The following SLC5A11 variants were observed in gnomAD, a reference collection of about 807,000 sequenced individuals.
SLC5A11 encodes the protein sodium/myo-inositol cotransporter 2.
SLC5A11 carries 48 observed loss-of-function variants against 69.8 expected under a neutral mutation model. That is an observed-to-expected ratio of 0.69 (90% confidence interval 0.55 to 0.87). The LOEUF (loss-of-function observed/expected upper bound fraction) is 0.87. Among genes scored for constraint, SLC5A11 ranks in the 40% least tolerant of loss-of-function variants. The pLI is 0.00. For missense variants in SLC5A11, 784 were observed against 866.1 expected, an observed-to-expected ratio of 0.91 and a Z score of 1.19; for synonymous variants, 319 against 342.4, an observed-to-expected ratio of 0.93 and a Z score of 0.75.
chr16:24,865,608 C>A (rs1026363766), intron 3 of SLC5A11, among the ~76,000 whole-genome samples: 1 of 151,936 alleles, frequency 6.6e-6, no homozygotes, highest in African/African-American at 2.4e-5. Context: ...TCATCAGAAA[C>A]CATGGAAGCT....
chr16:24,870,758 C>T (rs1381714238), intron 4 of SLC5A11, among the ~76,000 whole-genome samples: 41 of 115,568 alleles, frequency 3.5e-4, no homozygotes, highest in African/African-American at 1.2e-3. Flanking sequence ...TCAGCCTGGG[C>T]GACAGAGTGA....
chr16:24,894,531 G>A (rs1408693803), intron 9 of SLC5A11, among the ~76,000 whole-genome samples: 1 of 152,212 alleles, frequency 6.6e-6, no homozygotes. Flanking sequence ...GCTGGGCACA[G>A]TGGTTCACGC....
intron 7 of SLC5A11, among the ~76,000 whole-genome samples, chr16:24,877,628 T>G (rs886880597): frequency 3.3e-5 from 5 of 152,180 alleles, no homozygotes; most frequent in African/African-American, 7.2e-5. Flanking sequence ...GGCAGGTGGA[T>G]CACTTGAGGC....
At chr16:24,858,842 A>C in intron 2 of SLC5A11, 64 bp downstream of exon 3, 2 of 1,535,562 alleles carry the variant, frequency 1.3e-6, no homozygotes, top group Non-Finnish European at 1.8e-6. Context: ...AGAGGTCCGG[A>C]GTTAACCTCA....
In SLC5A11 at chr16:24,858,818, G is replaced by A. The variant is rs1372038714; in HGVS notation, c.135+40G>A. On this transcript the variant is annotated intron_variant, in intron 2 of 15. Coordinates refer to ENST00000347898, the Ensembl canonical transcript of SLC5A11. Reference sequence around the variant, plus strand: ...TGGGGGATGGGGGATGAAGAGAGAAGGAAATGTCTGTTTAGAGGTCCGGAG... The same window carrying A: ...TGGGGGATGGGGGATGAAGAGAGAAAGAAATGTCTGTTTAGAGGTCCGGAG... 3.1e-6 allele frequency: 5 copies of A among 1,593,046 alleles called. No individual in the cohort carries two copies. In the East Asian group the frequency reaches 9.0e-5, roughly 29 times the overall value.
intron 4 of SLC5A11, 60 bp from the exon 6 acceptor site, chr16:24,872,100 T>C (rs373694261): frequency 1.2e-6 from 2 of 1,609,074 alleles, no homozygotes; most frequent in African/African-American, 2.7e-5. Flanking sequence ...CAGAGGGAAA[T>C]CCAAATGGGT....
At chr16:24,907,058 C>A in exon 12 of SLC5A11, 3 of 1,614,058 alleles carry the variant, frequency 1.9e-6, no homozygotes, top group Non-Finnish European at 2.5e-6. Context: ...GTGATGGTGG[C>A]GGCTCTCATG....
chr16:24,879,175 G>T (rs1036475485), intron 7 of SLC5A11, among the ~76,000 whole-genome samples: 1 of 151,792 alleles, frequency 6.6e-6, no homozygotes. Context: ...TTCAGCTAAG[G>T]CCTCTCTAAG....
At chr16:24,847,703 GT>G (rs1434207404) in intron 1 of SLC5A11, among the ~76,000 whole-genome samples, 2 of 152,218 alleles carry the variant, frequency 1.3e-5, no homozygotes. Context: ...CTGGGCAATA[GT>G]TGACAGAAGT....
Position 24,909,035 on chromosome 16 carries a change from C to CG in SLC5A11, c.1591dup (p.Val531GlyfsTer74), listed in dbSNP as rs1055779066. 1 of 1,614,162 alleles carries CG rather than the reference C, an allele frequency of 6.2e-7. No homozygotes were observed. The highest frequency in any genetic ancestry group is 1.3e-5 in the African/African-American group (1 of 75,040). ...CTCTACTTCTCCATGATCCTGTCCA[C>CG]GGTCACCCTCATCACTGTCTCCACC... On this transcript the variant is annotated frameshift_variant, in exon 14 of 16. Coordinates refer to ENST00000347898, the Ensembl canonical transcript of SLC5A11. LOFTEE classifies it high-confidence loss of function.
At chr16:24,856,691 A>G (rs1307290042) in intron 1 of SLC5A11, among the ~76,000 whole-genome samples, 2 of 150,098 alleles carry the variant, frequency 1.3e-5, no homozygotes, top group Non-Finnish European at 3.0e-5. Flanking sequence ...GAATGGTGTG[A>G]ACCGGGGAGG....
At chr16:24,862,579 A>T (rs1168992463) in intron 2 of SLC5A11, 22 bp from the exon 4 acceptor site, 3 of 1,589,448 alleles carry the variant, frequency 1.9e-6, no homozygotes, top group Non-Finnish European at 8.6e-7. Context: ...TCCCTCACCC[A>T]CCTCTCTTCT....
chr16:24,857,901 C>T (rs2059603303), intron 1 of SLC5A11, among the ~76,000 whole-genome samples: 1 of 152,168 alleles, frequency 6.6e-6, no homozygotes, highest in South Asian at 2.1e-4. Context: ...CACAAGATTT[C>T]CTTAAATTGC....
intron 6 of SLC5A11, among the ~76,000 whole-genome samples, chr16:24,876,335 A>G (rs907300479): frequency 1.3e-5 from 2 of 152,142 alleles, no homozygotes; most frequent in African/African-American, 4.8e-5. Context: ...GACTCCAAGA[A>G]CCCTGCCAAC....
At chr16:24,896,979 G>T (rs1222459328) in intron 9 of SLC5A11, among the ~76,000 whole-genome samples, 2 of 116,784 alleles carry the variant, frequency 1.7e-5, no homozygotes, top group African/African-American at 3.4e-5. Flanking sequence ...TTGAGACAGA[G>T]TCTCACTCTA....
At chr16:24,899,797 A>G (rs533769861) in intron 10 of SLC5A11, among the ~76,000 whole-genome samples, 47 of 152,008 alleles carry the variant, frequency 3.1e-4, no homozygotes, top group South Asian at 6.3e-4. Context: ...TGGAGCTCTC[A>G]GGCTCAAGCA....
rs201711094 is a variant in SLC5A11, at chr16:24,890,996, G to A, written c.792G>A (p.Pro264=). ...ATGCCTTCCATATTTTCCGAGATCC[G>A]CTGACATCTGATCTCCCGTGGCCGG... Residue 264 remains proline (P), a synonymous_variant, in exon 9 of 16, where the codon CCG becomes CCA. Coordinates refer to ENST00000347898, the Ensembl canonical transcript of SLC5A11. The A allele has an allele frequency of 2.0e-5, 32 of 1,614,066 alleles. No homozygotes were observed. In the East Asian group the frequency reaches 3.1e-4, roughly 16 times the overall value.
rs556390342 is a variant in SLC5A11, at chr16:24,852,753, A to G, written c.-24-5867A>G. On this transcript the variant is annotated intron_variant, in intron 1 of 15. Transcript: ENST00000347898. ...TTCTCATTGTTTTGTCCTTCATGCC[A>G]AACACAGAGCTTGGCACACAGTTGT... Among the ~76,000 whole-genome samples the G allele has an allele frequency of 5.9e-5, 9 of 152,350 alleles. 2 individuals are homozygous for G. The highest frequency in any genetic ancestry group is 1.3e-4 in the Admixed American group (2 of 15,296).
intron 1 of SLC5A11, among the ~76,000 whole-genome samples, chr16:24,856,581 A>G: frequency 7.6e-6 from 1 of 130,976 alleles, no homozygotes; most frequent in Non-Finnish European, 1.6e-5. Context: ...GTGAAATCCC[A>G]TCTCTACTAA....
Sources: allele counts gnomAD v4.1 joint callset (sites outside exome capture counted in the v4.1 genomes callset), GRCh38; gene constraint gnomAD v4.1.1; transcripts MANE v1.5; gene names NCBI Gene and HGNC (gene_info 2026-07-23, HGNC 2026-07-21).